Variants in IGF2R observed in about 807,000 individuals in gnomAD.
IGF2R encodes cation-independent mannose-6-phosphate receptor.
Under a neutral mutation model 270.6 loss-of-function variants are expected in IGF2R, and 91 were observed. The observed-to-expected ratio is 0.34, with a 90% CI of 0.28 to 0.40. The LOEUF is 0.40. Among genes scored for constraint, IGF2R ranks in the 10% least tolerant of loss-of-function variants. IGF2R has a pLI of 1.00. For missense variants in IGF2R, 2,805 were observed against 3,188.3 expected (o/e 0.88, Z 2.90); for synonymous variants, 1,316 against 1,258.9 (o/e 1.05, Z -0.96).
rs540353517 is a variant in IGF2R, at chr6:160,084,428, G to A, written c.6068+244G>A. Among the ~76,000 whole-genome samples, 2 of 152,280 alleles carry A rather than the reference G, an allele frequency of 1.3e-5. No homozygotes were observed. Among genetic ancestry groups the A allele is most frequent in the South Asian group, 4.1e-4 (2 of 4,822 alleles). On this transcript the variant is annotated intron_variant, in intron 40 of 47. Transcript: ENST00000356956. The surrounding 1 kb of genome is among the most constrained non-coding windows in gnomAD (Gnocchi z 4.6). ...GACTGGAAACGGAGCCTCTGGAGCT[G>A]GAAGAACCTGGGCGGACTGAGTTAG...
intron 4 of IGF2R, among the ~76,000 whole-genome samples, chr6:160,022,511 C>G (rs1777462887): frequency 6.6e-6 from 1 of 152,164 alleles, no homozygotes; most frequent in South Asian, 2.1e-4. Flanking sequence ...GAGAGACTGT[C>G]ATAAATTAAA....
intron 15 of IGF2R, among the ~76,000 whole-genome samples, chr6:160,046,940 C>G (rs1778081418): frequency 6.6e-6 from 1 of 152,176 alleles, no homozygotes; most frequent in Non-Finnish European, 1.5e-5. Context: ...AACTGCAGTT[C>G]AAATGAAGTG....
chr6:160,051,032 C>G (rs995141246), intron 19 of IGF2R, among the ~76,000 whole-genome samples: 1 of 152,162 alleles, frequency 6.6e-6, no homozygotes, highest in African/African-American at 2.4e-5. Context: ...GAAAGCTTCC[C>G]TTTCACCCTT....
chr6:160,056,723 T>A (rs1385563090), intron 20 of IGF2R, among the ~76,000 whole-genome samples, 198 bp downstream of exon 20: 1 of 152,216 alleles, frequency 6.6e-6, no homozygotes, highest in African/African-American at 2.4e-5. Flanking sequence ...AAGAACCAGG[T>A]CCCTCAGTCT....
Position 160,068,107 on chromosome 6 carries a change from T to TGA in IGF2R, c.4116-141_4116-140dup, listed in dbSNP as rs1302133662. The TGA allele has an allele frequency of 3.9e-5, 25 of 638,508 alleles. No homozygotes were observed. The Admixed American group carries it at 5.0e-4, about 13-fold the overall frequency. The allele number at this position is 638,508 out of a possible 1,614,324, so 39.6% of individuals were successfully genotyped here. ...GTGTGTGTGTGTGTGTGTGTGTGTG[T>TGA]GACAGAGACAGAGAGAAGTCGAGTC... On this transcript the variant is annotated intron_variant, in intron 29 of 47. Coordinates refer to ENST00000356956, the MANE Select transcript of IGF2R (RefSeq NM_000876.4).
intron 35 of IGF2R, 89 bp from the exon 36 acceptor site, chr6:160,075,758 T>A (rs893483784): frequency 2.2e-5 from 30 of 1,393,838 alleles, no homozygotes; most frequent in Non-Finnish European, 2.9e-5. Context: ...TGAGGTCTGG[T>A]TTTTGCAATT....
intron 29 of IGF2R, among the ~76,000 whole-genome samples, chr6:160,065,814 G>GTGTATATATATATATA: frequency 2.3e-3 from 179 of 78,280 alleles, no homozygotes; most frequent in Non-Finnish European, 3.0e-3. Flanking sequence ...GTGTGTGTGT[G>GTGTATATATATATATA]TATATATATA....
At position 159,998,704 on chromosome 6, in the gene IGF2R, A is replaced by G. The variant is rs1784087043; in HGVS notation, c.289+7381A>G. On this transcript the variant is annotated intron_variant, in intron 2 of 47. Transcript: ENST00000356956. This position sits in a 1 kb window ranked among gnomAD's most constrained non-coding sequence, Gnocchi z 4.1. The stretch of plus-strand genomic sequence containing the variant: ...TGAAACTTCCAGAGGGAGTCATCAT[A>G]TATACTTTCAGGACTCTCAGTAACG... Among the ~76,000 whole-genome samples, 2 of 152,192 alleles carry G rather than the reference A, an allele frequency of 1.3e-5. No individual in the cohort carries two copies. Among genetic ancestry groups the G allele is most frequent in the Admixed American group, 6.5e-5 (1 of 15,280 alleles).
chr6:160,055,551 T>C (rs185435142), intron 19 of IGF2R, among the ~76,000 whole-genome samples: 5 of 152,300 alleles, frequency 3.3e-5, no homozygotes, highest in Admixed American at 3.3e-4. Context: ...GGTGTGTTTT[T>C]ATTCTACTGC....
Position 160,105,425 on chromosome 6 carries a change from A to G in IGF2R, c.*341A>G, listed in dbSNP as rs8191958. ...CTTGCTGCTTTAGTCCCGATAGGGT[A>G]TTTGACCCCGATATATTTTAGCATT... On this transcript the variant is annotated 3_prime_UTR_variant, in exon 48 of 48. Transcript: ENST00000356956. 3.3e-3 allele frequency: 691 copies of G among 206,554 alleles called. 6 individuals are homozygous for G. The highest frequency in any genetic ancestry group is 0.015 in the African/African-American group (651 of 43,562). 12.8% of individuals were successfully genotyped at this position (206,554 alleles called of 1,614,324 possible).
At chr6:160,064,950 A>G (rs1778532519) in intron 29 of IGF2R, 49 bp downstream of exon 29, 1 of 1,288,500 alleles carries the variant, frequency 7.8e-7, no homozygotes, top group African/African-American at 1.5e-5. Flanking sequence ...ACTTGGTATG[A>G]TTTTGCTTTA....
rs1778025145 is a variant in IGF2R at position 160,044,511 on chromosome 6, C to T, written c.1622-3C>T. The T allele has an allele frequency of 1.3e-6, 2 of 1,599,116 alleles. No individual in the cohort carries two copies. Among genetic ancestry groups the T allele is most frequent in the Non-Finnish European group, 1.7e-6 (2 of 1,170,098 alleles). On this transcript the variant is annotated splice_polypyrimidine_tract_variant and splice_region_variant and intron_variant, in intron 12 of 47. Coordinates refer to ENST00000356956, the MANE Select transcript of IGF2R (RefSeq NM_000876.4). ...TTCTGTTTTCTCCCCCTTTCTCTTC[C>T]AGATAAAAATGGAAGTAAAAATCTG...
intron 4 of IGF2R, among the ~76,000 whole-genome samples, chr6:160,018,764 T>G (rs1267049798): frequency 1.3e-5 from 2 of 151,754 alleles, no homozygotes; most frequent in East Asian, 1.9e-4. Context: ...AAAAAAAAAT[T>G]GAAACAAATG....
rs1200917734 is a variant in IGF2R at position 160,109,087 on chromosome 6, C to A, written c.*4003C>A. 6.6e-6 allele frequency: 1 copy of A among 152,212 alleles called. No individual in the cohort carries two copies. Among genetic ancestry groups the A allele is most frequent in the Non-Finnish European group, 1.5e-5 (1 of 68,034 alleles). The allele number at this position is 152,212 out of a possible 1,614,324, so 9.4% of individuals were successfully genotyped here. A position where few individuals can be genotyped will look rare whatever the true frequency, so the allele number is the denominator to read the frequency against. ...CTTGTAGTTTGACCAGTTTGCAAAA[C>A]AAATTGAATAAAAAGTAATTGATAA... On this transcript the variant is annotated 3_prime_UTR_variant, in exon 48 of 48. Transcript: ENST00000356956.
At chr6:160,062,065 G>A (rs1778451765) in intron 25 of IGF2R, 137 bp downstream of exon 25, 4 of 743,226 alleles carry the variant, frequency 5.4e-6, no homozygotes, top group Non-Finnish European at 8.7e-6. Context: ...AGGGTTTGAC[G>A]AGAATGCACT....
At chr6:160,022,729 A>C (rs1015649344) in intron 4 of IGF2R, among the ~76,000 whole-genome samples, 3 of 152,250 alleles carry the variant, frequency 2.0e-5, no homozygotes, top group African/African-American at 7.2e-5. Context: ...AGTATCATAC[A>C]TCACAGTGCT....
chr6:160,085,471 C>T (rs928163455), intron 41 of IGF2R, among the ~76,000 whole-genome samples: 1 of 152,140 alleles, frequency 6.6e-6, no homozygotes, highest in Admixed American at 6.5e-5. Context: ...CATAAACACA[C>T]GTGTTTGTTT....
At chr6:159,986,232 CT>C (rs34949766) in intron 1 of IGF2R, among the ~76,000 whole-genome samples, 23,692 of 138,560 alleles carry the variant, frequency 0.17, 2,075 homozygotes, top group East Asian at 0.44. Flanking sequence ...TGCTGCAGAA[CT>C]TTTTTTTTTT....
chr6:159,978,212 T>A (rs1034954113), intron 1 of IGF2R, among the ~76,000 whole-genome samples: 1 of 152,194 alleles, frequency 6.6e-6, no homozygotes, highest in African/African-American at 2.4e-5. Context: ...TAAAAAAGTT[T>A]CAAAGCCACT....
Sources: gnomAD v4.1 joint callset for allele counts (sites outside exome capture counted in the v4.1 genomes callset) on GRCh38, gnomAD v4.1.1 for gene constraint, Gnocchi (gnomAD v3.1) non-coding constraint, MANE v1.5 for transcripts, NCBI Gene and HGNC (gene_info 2026-07-23, HGNC 2026-07-21) for gene names.